Variants in KIAA1549L observed in about 807,000 individuals in gnomAD.
KIAA1549L encodes the protein UPF0606 protein KIAA1549L.
In KIAA1549L, 88 loss-of-function variants were observed where a neutral mutation model predicts 160.7. That is an observed-to-expected ratio of 0.55 (90% CI 0.46 to 0.65). The LOEUF (loss-of-function observed/expected upper bound fraction) is 0.65. Among genes scored for constraint, KIAA1549L ranks in the 30% least tolerant of loss-of-function variants. KIAA1549L has a pLI of 0.00. For synonymous variants in KIAA1549L, 950 were observed against 976.7 expected, an observed-to-expected ratio of 0.97 and a Z score of 0.51; for missense variants, 2,258 against 2,437.5, an observed-to-expected ratio of 0.93 and a Z score of 1.55.
intron 9 of KIAA1549L, among the ~76,000 whole-genome samples, chr11:33,571,542 A>G (rs949271105): frequency 6.6e-6 from 1 of 152,206 alleles, no homozygotes; most frequent in Non-Finnish European, 1.5e-5. Context: ...GGCCTAAGGA[A>G]GCTTCAAGCA....
intron 1 of KIAA1549L, among the ~76,000 whole-genome samples, chr11:33,517,217 G>C (rs1460232547): frequency 6.6e-6 from 1 of 152,136 alleles, no homozygotes; most frequent in Non-Finnish European, 1.5e-5. Context: ...ATTTCCCCAA[G>C]ATAGATGGGT....
chr11:33,392,888 T>C (rs989918571), intron 1 of KIAA1549L, among the ~76,000 whole-genome samples: 9 of 152,144 alleles, frequency 5.9e-5, no homozygotes, highest in Non-Finnish European at 8.8e-5. Flanking sequence ...TCTGAACACT[T>C]TCATAATTCT....
chr11:33,565,721 A>C (rs1214086330), intron 8 of KIAA1549L, among the ~76,000 whole-genome samples: 8 of 129,544 alleles, frequency 6.2e-5, no homozygotes, highest in South Asian at 2.6e-4. Context: ...TTTTTTTTTC[A>C]AAAAAATTTT....
At chr11:33,540,171 A>C (rs1278614652) in intron 1 of KIAA1549L, among the ~76,000 whole-genome samples, 1 of 152,108 alleles carries the variant, frequency 6.6e-6, no homozygotes, top group East Asian at 1.9e-4. Flanking sequence ...GTGTGTGTGA[A>C]AGAGTTTGCA....
intron 16 of KIAA1549L, among the ~76,000 whole-genome samples, chr11:33,642,222 C>T (rs1366209417): frequency 2.6e-5 from 4 of 152,104 alleles, no homozygotes; most frequent in African/African-American, 9.7e-5. Context: ...TTAGGGGGTT[C>T]CTGCAACTTC....
intron 1 of KIAA1549L, among the ~76,000 whole-genome samples, chr11:33,381,879 G>A (rs12278760): frequency 0.12 from 17,722 of 152,094 alleles, 1,757 homozygotes; most frequent in African/African-American, 0.27. Context: ...GAATTGATAC[G>A]GCTCCAAGGT....
intron 1 of KIAA1549L, among the ~76,000 whole-genome samples, chr11:33,402,442 G>A (rs993528414): frequency 1.4e-4 from 21 of 152,192 alleles, no homozygotes; most frequent in African/African-American, 4.1e-4. Flanking sequence ...ATTTCTGGTC[G>A]CCTTGTGGTC....
intron 1 of KIAA1549L, among the ~76,000 whole-genome samples, chr11:33,383,800 G>C (rs761033948): frequency 6.6e-6 from 1 of 152,192 alleles, no homozygotes. Context: ...GCCTGCATGG[G>C]ACCGAGGCTC....
intron 8 of KIAA1549L, among the ~76,000 whole-genome samples, chr11:33,566,427 G>A (rs1336171201): frequency 6.6e-6 from 1 of 152,216 alleles, no homozygotes; most frequent in Non-Finnish European, 1.5e-5. Context: ...TCTGATAGCT[G>A]TGTCATGAGG....
At chr11:33,440,149 A>G (rs1248909355) in intron 1 of KIAA1549L, among the ~76,000 whole-genome samples, 1 of 25,950 alleles carries the variant, frequency 3.9e-5, no homozygotes, top group African/African-American at 1.7e-4. Context: ...TTTTTTTTTG[A>G]GACGGAGTCT....
chr11:33,509,122 C>G (rs1348559650), intron 1 of KIAA1549L, among the ~76,000 whole-genome samples: 1 of 152,192 alleles, frequency 6.6e-6, no homozygotes, highest in African/African-American at 2.4e-5. Flanking sequence ...TTTCTGCACT[C>G]ACTGCATTGT....
At chr11:33,512,823 C>T (rs944564090) in intron 1 of KIAA1549L, among the ~76,000 whole-genome samples, 53 of 152,096 alleles carry the variant, frequency 3.5e-4, no homozygotes, top group African/African-American at 1.2e-3. Flanking sequence ...CACTGAGGCA[C>T]GGAGAAAAGC....
Position 33,660,976 on chromosome 11 carries a change from G to A in KIAA1549L, c.6121G>A (p.Ala2041Thr), listed in dbSNP as rs1474618841. 1.2e-6 allele frequency: 2 copies of A among 1,612,036 alleles called. No homozygotes were observed. The highest frequency in any genetic ancestry group is 1.1e-5 in the South Asian group (1 of 90,542). The stretch of plus-strand genomic sequence containing the variant: ...TAGGAACCAGGCCTGGATGTCCTAT[G>A]CAGGAGAGAATGAGCTCCCGAGCCA... The part of the protein sequence containing the change: ...SYRNQAWMSY[A>T]GENELPSQWA... Residue 2041 changes from alanine (A) to threonine (T), a missense_variant, in exon 20 of 21, where the codon GCA (alanine) becomes ACA (threonine). By Grantham distance (58) the Ala-to-Thr change is moderately conservative. This residue lies in a region of KIAA1549L where 1,359 missense variants were observed against 1,546.6 expected (regional missense o/e 0.88). Coordinates refer to ENST00000658780, the MANE Select transcript of KIAA1549L (RefSeq NM_012194.3).
At position 33,544,910 on chromosome 11, in the gene KIAA1549L, G is replaced by A. The variant is rs1272838835; in HGVS notation, c.2917G>A (p.Ala973Thr). The change falls in exon 3 of 21, where the codon GCT (alanine) becomes ACT (threonine). Residue 973 changes from alanine (A) to threonine (T), a missense_variant. Physicochemically the swap from Ala to Thr is moderately conservative, Grantham distance 58. Transcript: ENST00000658780. ...CCCTTTGGCCGTGGCCTCAGGACCA[G>A]CTAAGAGCAGTTCGATGACTACTCT... ...SSPLAVASGP[A>T]KSSSMTTLAK... The A allele has an allele frequency of 1.2e-6, 2 of 1,613,294 alleles. No individual in the cohort carries two copies. The highest frequency in any genetic ancestry group is 1.7e-6 in the Non-Finnish European group (2 of 1,179,598).
Position 33,550,435 on chromosome 11 carries a change from G to A in KIAA1549L, c.3502-605G>A, listed in dbSNP as rs75483789. On this transcript the variant is annotated intron_variant, in intron 4 of 20. Coordinates refer to ENST00000658780, the MANE Select transcript of KIAA1549L (RefSeq NM_012194.3). ...AAATCTAAAGCCTGAAAATCTTGCA[G>A]TTGAGACAGAAAGAGCTCAGACCAT... Among the ~76,000 whole-genome samples the A allele has an allele frequency of 8.3e-3, 1,263 of 152,202 alleles. 18 individuals carry two copies. Among genetic ancestry groups the A allele is most frequent in the South Asian group, 0.02 (97 of 4,806 alleles).
At chr11:33,648,198 G>A (rs965391811) in intron 17 of KIAA1549L, among the ~76,000 whole-genome samples, 11 of 152,054 alleles carry the variant, frequency 7.2e-5, no homozygotes, top group African/African-American at 2.4e-4. Context: ...GTTTCACCAC[G>A]TTGGCCAGGC....
chr11:33,475,170 C>T (rs1852258072), intron 1 of KIAA1549L, among the ~76,000 whole-genome samples: 1 of 152,136 alleles, frequency 6.6e-6, no homozygotes, highest in African/African-American at 2.4e-5. Flanking sequence ...AATTCCTCAC[C>T]TCGTCTTTTC....
chr11:33,464,300 A>G (rs1055207401), intron 1 of KIAA1549L, among the ~76,000 whole-genome samples: 5 of 152,174 alleles, frequency 3.3e-5, no homozygotes, highest in East Asian at 1.9e-4. Context: ...CATTCATTCA[A>G]TCAATCAGCA....
intron 1 of KIAA1549L, among the ~76,000 whole-genome samples, chr11:33,430,013 T>C (rs945761900): frequency 3.5e-5 from 4 of 112,872 alleles, no homozygotes; most frequent in Admixed American, 8.8e-5. Context: ...TGCCCTCCCT[T>C]CCTTCCTTCC....
Sources: allele counts gnomAD v4.1 joint callset (sites outside exome capture counted in the v4.1 genomes callset), GRCh38; gene constraint gnomAD v4.1.1; regional missense constraint gnomAD v4.1.1; transcripts MANE v1.5; gene names NCBI Gene and HGNC (gene_info 2026-07-23, HGNC 2026-07-21).